The following METTL15 variants were observed in gnomAD, a reference collection of about 807,000 sequenced individuals.
The protein encoded by METTL15 is 12S rRNA N(4)-cytidine methyltransferase METTL15.
Under a neutral mutation model 38.3 loss-of-function variants are expected in METTL15, and 34 were observed. The ratio of observed to expected loss-of-function variants is 0.89; its 90% CI spans 0.68 to 1.18. The LOEUF (loss-of-function observed/expected upper bound fraction) is 1.18. Among genes scored for constraint, METTL15 ranks in the 50% most tolerant of loss-of-function variants. The pLI is 0.00. For missense variants in METTL15, 438 were observed against 498.4 expected (o/e 0.88, Z 1.15); for synonymous variants, 162 against 170.9 (o/e 0.95, Z 0.41).
At chr11:28,444,746 A>G (rs1404109500) in intron 6 of METTL15, among the ~76,000 whole-genome samples, 3 of 152,224 alleles carry the variant, frequency 2.0e-5, no homozygotes, top group Non-Finnish European at 4.4e-5. Context: ...CTCATAAATA[A>G]TAGTTTCTAT....
chr11:28,234,327 G>A (rs1008180597), intron 4 of METTL15, among the ~76,000 whole-genome samples: 9 of 151,612 alleles, frequency 5.9e-5, no homozygotes, highest in African/African-American at 1.9e-4. Context: ...CCCAGTAATG[G>A]GATGGCTGGC....
At chr11:28,129,732 T>C (rs969347135) in intron 3 of METTL15, among the ~76,000 whole-genome samples, 1 of 152,178 alleles carries the variant, frequency 6.6e-6, no homozygotes, top group Non-Finnish European at 1.5e-5. Context: ...TTTTTAAATA[T>C]GCTATAAAAG....
intron 6 of METTL15, among the ~76,000 whole-genome samples, chr11:28,467,051 G>T (rs1851262881): frequency 2.0e-5 from 3 of 152,186 alleles, no homozygotes; most frequent in Non-Finnish European, 2.9e-5. Flanking sequence ...ATTCTGGCAT[G>T]CTGCCTTTCG....
chr11:28,161,034 A>G (rs11030231), intron 3 of METTL15, among the ~76,000 whole-genome samples: 21,930 of 151,900 alleles, frequency 0.14, 1,772 homozygotes, highest in East Asian at 0.28. Context: ...AGCAAAGTAA[A>G]TCACATTAAG....
chr11:28,389,549 A>G (rs987361522), intron 5 of METTL15, among the ~76,000 whole-genome samples: 5 of 152,022 alleles, frequency 3.3e-5, no homozygotes, highest in Admixed American at 6.5e-5. Flanking sequence ...TGTCCCTACA[A>G]AGGACATGAA....
At chr11:28,420,041 A>C (rs1036773735) in intron 5 of METTL15, among the ~76,000 whole-genome samples, 1 of 152,166 alleles carries the variant, frequency 6.6e-6, no homozygotes, top group African/African-American at 2.4e-5. Flanking sequence ...ATAGCCCAAA[A>C]GGGATAAATC....
At chr11:28,390,078 T>G (rs1358014385) in intron 5 of METTL15, among the ~76,000 whole-genome samples, 2 of 151,264 alleles carry the variant, frequency 1.3e-5, no homozygotes, top group Middle Eastern at 3.4e-3. Flanking sequence ...TTGATGGGGT[T>G]GTTTTTTTCT....
chr11:28,133,271 G>C (rs1849398857), intron 3 of METTL15, among the ~76,000 whole-genome samples: 2 of 152,168 alleles, frequency 1.3e-5, no homozygotes, highest in Non-Finnish European at 2.9e-5. Context: ...CCTCTAAAGG[G>C]AGCGTTTTTT....
chr11:28,215,257 G>C (rs1305028752), intron 4 of METTL15, among the ~76,000 whole-genome samples: 2 of 152,164 alleles, frequency 1.3e-5, no homozygotes, highest in African/African-American at 4.8e-5. Flanking sequence ...CTATTACACA[G>C]AAAGAAGTGG....
In METTL15 at chr11:28,507,659, A is replaced by G. The variant is rs150589773; in HGVS notation, c.*425-18819A>G. Reference sequence around the variant, plus strand: ...AATCTCCCCTACTCTTTCTCATCTCAGAAATGGGACCCTAATTTTTTCAGA... The same window carrying G: ...AATCTCCCCTACTCTTTCTCATCTCGGAAATGGGACCCTAATTTTTTCAGA... On this transcript the variant is annotated intron_variant and NMD_transcript_variant, in intron 6 of 7. Transcript: ENST00000532947. 1.2e-4 allele frequency among the ~76,000 whole-genome samples: 19 copies of G among 152,276 alleles called. No individual in the cohort carries two copies. In the East Asian group the frequency reaches 3.7e-3, roughly 29 times the overall value.
chr11:28,140,766 CA>C (rs939778950), intron 3 of METTL15, among the ~76,000 whole-genome samples: 61 of 152,290 alleles, frequency 4.0e-4, no homozygotes, highest in Admixed American at 1.6e-3. Flanking sequence ...GGGCATTTTA[CA>C]TACATGCTGA....
At chr11:28,481,859 C>G (rs993617133) in intron 6 of METTL15, among the ~76,000 whole-genome samples, 1 of 152,154 alleles carries the variant, frequency 6.6e-6, no homozygotes, top group Non-Finnish European at 1.5e-5. Context: ...TGGCGAGGGT[C>G]GCTGCAAGTT....
chr11:28,381,150 G>A (rs1182030367), intron 5 of METTL15, among the ~76,000 whole-genome samples: 2 of 152,038 alleles, frequency 1.3e-5, no homozygotes, highest in Non-Finnish European at 2.9e-5. Context: ...CTACAGGCAT[G>A]TGCTTGGCTA....
At chr11:28,513,518 G>A (rs1429169445) in intron 6 of METTL15, among the ~76,000 whole-genome samples, 7 of 152,182 alleles carry the variant, frequency 4.6e-5, no homozygotes, top group African/African-American at 1.7e-4. Context: ...CTCGGTTGGG[G>A]AGACCCTAAC....
intron 4 of METTL15, among the ~76,000 whole-genome samples, chr11:28,255,306 T>C (rs1854926439): frequency 6.6e-6 from 1 of 152,178 alleles, no homozygotes; most frequent in South Asian, 2.1e-4. Context: ...TTTTTGTATG[T>C]TGATTTTGTA....
chr11:28,513,226 G>A (rs866107867), intron 6 of METTL15, among the ~76,000 whole-genome samples: 5 of 152,166 alleles, frequency 3.3e-5, no homozygotes, highest in Non-Finnish European at 5.9e-5. Context: ...TGACTGGGAC[G>A]TCTCCAAATG....
At chr11:28,193,817 C>T (rs1463674829) in intron 3 of METTL15, among the ~76,000 whole-genome samples, 5 of 152,124 alleles carry the variant, frequency 3.3e-5, no homozygotes, top group African/African-American at 9.7e-5. Context: ...TTATATCACT[C>T]CCCTTGGCAC....
At chr11:28,220,715 A>G (rs1260037363) in intron 4 of METTL15, among the ~76,000 whole-genome samples, 2 of 152,040 alleles carry the variant, frequency 1.3e-5, no homozygotes, top group Non-Finnish European at 2.9e-5. Context: ...GTTCGTTTCC[A>G]TGTTTAGTGC....
intron 5 of METTL15, among the ~76,000 whole-genome samples, chr11:28,386,017 G>A (rs944798099): frequency 6.6e-6 from 1 of 152,052 alleles, no homozygotes; most frequent in African/African-American, 2.4e-5. Context: ...TTTTGTATCT[G>A]ATTGAAGTTG....
Sources: gnomAD v4.1 joint callset for allele counts (sites outside exome capture counted in the v4.1 genomes callset) on GRCh38, gnomAD v4.1.1 for gene constraint, MANE v1.5 for transcripts, NCBI Gene and HGNC (gene_info 2026-07-23, HGNC 2026-07-21) for gene names.